Variants in HECTD4 observed in about 807,000 individuals in gnomAD.
HECTD4 encodes the protein HECT domain E3 ubiquitin protein ligase 4.
Under a neutral mutation model 471.5 loss-of-function variants are expected in HECTD4, and 114 were observed. That is an observed-to-expected ratio of 0.24 (90% CI 0.21 to 0.28). HECTD4 has a LOEUF of 0.28. Ranked by LOEUF, HECTD4 falls within the 10% of genes least tolerant of loss-of-function variation. The probability of loss-of-function intolerance (pLI) is 1.00; values close to 1 mark genes in which losing one functional copy is unlikely to be tolerated. For missense variants in HECTD4, 3,866 were observed against 5,651.5 expected (o/e 0.68, Z 10.13); for synonymous variants, 2,012 against 2,256.0 (o/e 0.89, Z 3.07).
intron 64 of HECTD4, among the ~76,000 whole-genome samples, chr12:112,177,550 T>C (rs868016128): frequency 6.6e-5 from 10 of 152,226 alleles, no homozygotes; most frequent in South Asian, 2.1e-4. Flanking sequence ...CGGCTAATTT[T>C]TTTGTATTTT....
chr12:112,252,388 T>C (rs367685196), intron 23 of HECTD4, 36 bp downstream of exon 23: 313 of 1,556,190 alleles, frequency 2.0e-4, no homozygotes, highest in South Asian at 3.5e-4. Flanking sequence ...TAGCAGATAG[T>C]ACATTTTGTC....
chr12:112,212,799 A>C (rs2032800953), intron 48 of HECTD4, 149 bp from the exon 49 acceptor site: 1 of 600,286 alleles, frequency 1.7e-6, no homozygotes. Context: ...TTATTTATTT[A>C]TTTATTTATT....
chr12:112,329,998 C>T (rs538833176), intron 1 of HECTD4, among the ~76,000 whole-genome samples: 2 of 151,920 alleles, frequency 1.3e-5, no homozygotes, highest in South Asian at 2.1e-4. Context: ...GAGGACTAGC[C>T]GGGCGCAGTG....
intron 44 of HECTD4, among the ~76,000 whole-genome samples, chr12:112,225,178 C>T (rs952870840): frequency 3.3e-5 from 5 of 151,804 alleles, no homozygotes; most frequent in African/African-American, 1.2e-4. Flanking sequence ...AGAAGTAAAA[C>T]GGATACAGAC....
chr12:112,170,247 G>A, intron 69 of HECTD4, 86 bp downstream of exon 69: 1 of 1,525,878 alleles, frequency 6.6e-7, no homozygotes, highest in South Asian at 1.2e-5. Context: ...ACCAGCCCTG[G>A]ACCCCCTTCT....
At chr12:112,233,212 AGCT>A in intron 37 of HECTD4, 127 bp from the exon 38 acceptor site, 3 of 375,944 alleles carry the variant, frequency 8.0e-6, no homozygotes, top group Non-Finnish European at 1.4e-5. Context: ...CACTAACATT[AGCT>A]TTTTTTTTTT....
chr12:112,358,102 T>C (rs1241655454), intron 1 of HECTD4, among the ~76,000 whole-genome samples: 1 of 151,816 alleles, frequency 6.6e-6, no homozygotes. Context: ...ATTCCAGAGG[T>C]TGAGGCACAA....
In HECTD4 at chr12:112,179,246, T is replaced by C; in HGVS notation, c.11139A>G (p.Pro3713=). 1 of 1,613,790 alleles carries C rather than the reference T, an allele frequency of 6.2e-7. No individual in the cohort carries two copies. Among genetic ancestry groups the C allele is most frequent in the Non-Finnish European group, 8.5e-7 (1 of 1,179,808 alleles). Residue 3713 remains proline, a synonymous_variant, in exon 63 of 76, where the codon CCA becomes CCG. Coordinates refer to ENST00000682272, the MANE Select transcript of HECTD4 (RefSeq NM_001388303.1). The surrounding 1 kb of genome is among the most constrained non-coding windows in gnomAD (Gnocchi z 4.3). ...TGAAGAAGAGGTGGAGGAGGTTGCC[T>C]GGGGTCTGGGAGTTGATCTGCTCTT... ...LSKEQINSQT[P]GNLLHLFFTN...
intron 1 of HECTD4, among the ~76,000 whole-genome samples, chr12:112,349,433 T>G (rs12305354): frequency 0.042 from 6,017 of 143,350 alleles, 272 homozygotes; most frequent in African/African-American, 0.11. Context: ...AAAAGAAACA[T>G]TATGCATAAA....
Position 112,319,114 on chromosome 12 carries a change from G to A in HECTD4, c.695+111C>T. The A allele has an allele frequency of 9.1e-7, 1 of 1,101,308 alleles. No individual in the cohort carries two copies. The highest frequency in any genetic ancestry group is 1.3e-6 in the Non-Finnish European group (1 of 788,150). The allele number at this position is 1,101,308 out of a possible 1,614,324, so 68.2% of individuals were successfully genotyped here. A position where few individuals can be genotyped will look rare whatever the true frequency, so the allele number is the denominator to read the frequency against. On this transcript the variant is annotated intron_variant, in intron 2 of 75. Transcript: ENST00000682272. The surrounding 1 kb of genome is among the most constrained non-coding windows in gnomAD (Gnocchi z 5.3). ...AAATTCAATACTGAAAGCAAAGAAG[G>A]ACTTCTGAATGTTAAGACTTCTATC...
At chr12:112,267,021 T>A in intron 13 of HECTD4, 39 bp from the exon 14 acceptor site, 1 of 1,104,016 alleles carries the variant, frequency 9.1e-7, no homozygotes, top group Non-Finnish European at 1.3e-6. Flanking sequence ...TAAGCAAATG[T>A]TCTAGAAAAT....
chr12:112,247,384 T>C, intron 28 of HECTD4, 78 bp downstream of exon 28: 1 of 709,008 alleles, frequency 1.4e-6, no homozygotes, highest in Non-Finnish European at 2.3e-6. Context: ...AAAATATATC[T>C]ATTAAGAGAC....
In HECTD4 at chr12:112,261,285, G is replaced by C; in HGVS notation, c.2873+20C>G. ...TCTTCCCACAGGGCAGCTGGTCACA[G>C]CCCACAATCCATTCCTCACCTCTGC... On this transcript the variant is annotated intron_variant, in intron 18 of 75. Coordinates refer to ENST00000682272, the MANE Select transcript of HECTD4 (RefSeq NM_001388303.1). 3 of 1,554,568 alleles carry C rather than the reference G, an allele frequency of 1.9e-6. No homozygotes were observed. Among genetic ancestry groups the C allele is most frequent in the East Asian group, 2.3e-5 (1 of 43,574 alleles).
At chr12:112,336,657 C>G (rs1425338340) in intron 1 of HECTD4, among the ~76,000 whole-genome samples, 1 of 151,722 alleles carries the variant, frequency 6.6e-6, no homozygotes, top group Admixed American at 6.6e-5. Flanking sequence ...GAGTACTCAT[C>G]TTTTGATATA....
At chr12:112,300,628 C>A (rs886599283) in intron 7 of HECTD4, among the ~76,000 whole-genome samples, 1 of 152,180 alleles carries the variant, frequency 6.6e-6, no homozygotes, top group African/African-American at 2.4e-5. Flanking sequence ...GACAGGTTCT[C>A]ACTCTGTCAC....
Position 112,228,516 on chromosome 12 carries a change from A to G in HECTD4, c.6684+131T>C. 1 of 927,732 alleles carries G rather than the reference A, an allele frequency of 1.1e-6. No individual in the cohort carries two copies. The highest frequency in any genetic ancestry group is 2.8e-5 in the East Asian group (1 of 36,114). 57.5% of individuals were successfully genotyped at this position (927,732 alleles called of 1,614,324 possible). A position where few individuals can be genotyped will look rare whatever the true frequency, so the allele number is the denominator to read the frequency against. ...ACTATTAAATAACTATAACCAATAC[A>G]TAAATATACATCACAAGTACAATTT... On this transcript the variant is annotated intron_variant, in intron 42 of 75. Coordinates refer to ENST00000682272, the MANE Select transcript of HECTD4 (RefSeq NM_001388303.1). This position sits in a 1 kb window ranked among gnomAD's most constrained non-coding sequence, Gnocchi z 4.9.
chr12:112,170,123 C>T (rs1001701527), intron 69 of HECTD4: 2 of 649,256 alleles, frequency 3.1e-6, no homozygotes, highest in South Asian at 2.0e-5. Context: ...GCTGGGTGGG[C>T]CCCCGGGAGC....
At chr12:112,172,906 C>T in intron 66 of HECTD4, 45 bp from the exon 67 acceptor site, 7 of 1,537,820 alleles carry the variant, frequency 4.6e-6, no homozygotes, top group Non-Finnish European at 6.3e-6. Flanking sequence ...AGGCAGGGCA[C>T]ACCGGGATGA....
chr12:112,226,898 T>C, intron 43 of HECTD4, 140 bp from the exon 44 acceptor site: 1 of 572,048 alleles, frequency 1.7e-6, no homozygotes, highest in Non-Finnish European at 3.1e-6. Context: ...TGCTTTTTTT[T>C]TCTGAGCTGG....
Sources: gnomAD v4.1 joint callset for allele counts (sites outside exome capture counted in the v4.1 genomes callset) on GRCh38, gnomAD v4.1.1 for gene constraint, Gnocchi (gnomAD v3.1) non-coding constraint, MANE v1.5 for transcripts, NCBI Gene and HGNC (gene_info 2026-07-23, HGNC 2026-07-21) for gene names.